Variants in PRKCH observed in about 807,000 individuals in gnomAD.
PRKCH encodes protein kinase C eta type.
PRKCH carries 28 observed loss-of-function variants against 82.5 expected under a neutral mutation model. The observed-to-expected ratio is 0.34, with a 90% CI of 0.25 to 0.47. The LOEUF (loss-of-function observed/expected upper bound fraction) is 0.47. Among genes scored for constraint, PRKCH ranks in the 20% least tolerant of loss-of-function variants. The pLI is 1.00. For synonymous variants in PRKCH, 322 were observed against 327.4 expected, an observed-to-expected ratio of 0.98 and a Z score of 0.18; for missense variants, 705 against 881.8, an observed-to-expected ratio of 0.80 and a Z score of 2.54.
chr14:61,205,354 G>A (rs1318925451), intron 1 of PRKCH, among the ~76,000 whole-genome samples: 1 of 152,184 alleles, frequency 6.6e-6, no homozygotes, highest in African/African-American at 2.4e-5. Flanking sequence ...AGAAGTAGTT[G>A]AGATTCTGAA....
intron 10 of PRKCH, among the ~76,000 whole-genome samples, chr14:61,514,425 AGACTGGTCTTGAAGGATTGAC>A (rs1176542175): frequency 1.3e-5 from 2 of 151,948 alleles, no homozygotes; most frequent in Non-Finnish European, 2.9e-5. Context: ...GTTTGGTTCT[AGACTGGTCTTGAAGGATTGAC>A]GCCTGGTCTG....
chr14:61,274,742 T>C (rs2045187782), intron 1 of PRKCH, among the ~76,000 whole-genome samples: 1 of 152,214 alleles, frequency 6.6e-6, no homozygotes, highest in Non-Finnish European at 1.5e-5. Flanking sequence ...GTATGGCCCA[T>C]ACAGAAGTTA....
intron 1 of PRKCH, among the ~76,000 whole-genome samples, chr14:61,376,159 T>G (rs879563462): frequency 5.3e-5 from 8 of 152,114 alleles, no homozygotes; most frequent in Non-Finnish European, 2.9e-5. Flanking sequence ...ATGGAGATAA[T>G]GCTGCTTTAC....
intron 1 of PRKCH, among the ~76,000 whole-genome samples, chr14:61,378,017 A>G (rs1200655211): frequency 1.3e-5 from 2 of 152,066 alleles, no homozygotes; most frequent in Non-Finnish European, 2.9e-5. Flanking sequence ...TCCTGTATGG[A>G]CATTCCTCCA....
chr14:61,227,907 C>G (rs1228342335), intron 1 of PRKCH, among the ~76,000 whole-genome samples: 1 of 152,082 alleles, frequency 6.6e-6, no homozygotes, highest in East Asian at 1.9e-4. Flanking sequence ...AACAAAGGCT[C>G]ATAATCGTTT....
chr14:61,373,466 C>T (rs927212784), intron 1 of PRKCH, among the ~76,000 whole-genome samples: 13 of 151,980 alleles, frequency 8.6e-5, no homozygotes, highest in African/African-American at 3.2e-4. Flanking sequence ...GCAGCCCCTC[C>T]CCTGACAGGT....
intron 1 of PRKCH, 114 bp downstream of exon 1, chr14:61,322,578 T>G: frequency 7.0e-7 from 1 of 1,421,870 alleles, no homozygotes; most frequent in Non-Finnish European, 9.3e-7. Flanking sequence ...GGGAATTCCC[T>G]CCAGACTTTG....
chr14:61,351,600 G>A (rs774150810), intron 1 of PRKCH, among the ~76,000 whole-genome samples: 8 of 152,174 alleles, frequency 5.3e-5, no homozygotes, highest in African/African-American at 1.7e-4. Context: ...AGTGGTGTTC[G>A]GAGGCACAGT....
At chr14:61,310,021 T>A (rs1403402100) in intron 1 of PRKCH, among the ~76,000 whole-genome samples, 1 of 151,628 alleles carries the variant, frequency 6.6e-6, no homozygotes, top group Non-Finnish European at 1.5e-5. Flanking sequence ...AAGAATAGCA[T>A]GGAGGGAACC....
chr14:61,308,892 A>G (rs11158337), intron 1 of PRKCH, among the ~76,000 whole-genome samples: 108,905 of 151,814 alleles, frequency 0.72, 41,132 homozygotes, highest in Non-Finnish European at 0.83. Flanking sequence ...GCCTCCCACA[A>G]TGCTGGGATT....
At chr14:61,381,999 C>G (rs1040523993) in intron 1 of PRKCH, among the ~76,000 whole-genome samples, 1 of 152,226 alleles carries the variant, frequency 6.6e-6, no homozygotes, top group African/African-American at 2.4e-5. Flanking sequence ...TCAGTAACCT[C>G]ACTGAGCCTC....
rs548008248 is a variant in PRKCH, at chr14:61,315,035, C to T, written c.-19+127367C>T. On this transcript the variant is annotated intron_variant, in intron 1 of 3. Coordinates refer to the PRKCH transcript ENST00000555185. ...TGCTGCATCATTTTCAATATGAGAC[C>T]AGTGTTTTTCTTTCATTCTGAGAAA... Among the ~76,000 whole-genome samples the T allele has an allele frequency of 3.1e-3, 468 of 152,262 alleles. 3 individuals carry two copies. The highest frequency in any genetic ancestry group is 0.011 in the African/African-American group (458 of 41,538).
chr14:61,484,734 G>A (rs566916063), intron 9 of PRKCH, among the ~76,000 whole-genome samples: 15 of 149,894 alleles, frequency 1.0e-4, no homozygotes, highest in Admixed American at 5.3e-4. Context: ...TTCCAATGTG[G>A]ATGCTACTGT....
chr14:61,292,277 G>T (rs1253170060), intron 1 of PRKCH, among the ~76,000 whole-genome samples: 1 of 149,058 alleles, frequency 6.7e-6, no homozygotes, highest in East Asian at 2.0e-4. Flanking sequence ...TTGAGCCCAG[G>T]AGTTCAAGAC....
At chr14:61,492,412 T>A (rs1329608063) in intron 10 of PRKCH, 1 of 152,340 alleles carries the variant, frequency 6.6e-6, no homozygotes, top group Admixed American at 6.5e-5. Context: ...GGCCAAGTTA[T>A]CTTTTACAGA....
At chr14:61,482,339 C>T (rs923711184) in intron 9 of PRKCH, among the ~76,000 whole-genome samples, 11 of 152,278 alleles carry the variant, frequency 7.2e-5, no homozygotes, top group African/African-American at 2.6e-4. Flanking sequence ...TGTCGTTTAT[C>T]TCCTTCTCTT....
At chr14:61,231,296 A>C in intron 1 of PRKCH, among the ~76,000 whole-genome samples, 1 of 152,284 alleles carries the variant, frequency 6.6e-6, no homozygotes, top group South Asian at 2.1e-4. Context: ...ACAATTCAAT[A>C]CACAAAGTGC....
At chr14:61,212,986 A>G (rs2140047390) in intron 1 of PRKCH, among the ~76,000 whole-genome samples, 1 of 152,240 alleles carries the variant, frequency 6.6e-6, no homozygotes, top group African/African-American at 2.4e-5. Flanking sequence ...GGTTGAGCTA[A>G]TTCAGTGGAA....
rs1555375988 is a variant in PRKCH at position 61,329,254 on chromosome 14, T to TTTTTTTTTTA, written c.363+6790_363+6791insTTTTTTTTTA. On this transcript the variant is annotated intron_variant, in intron 1 of 13. Coordinates refer to ENST00000332981, the MANE Select transcript of PRKCH (RefSeq NM_006255.5). The stretch of plus-strand genomic sequence containing the variant: ...TGAGTCTTTTTTTTTTTTTTTTTTT[T>TTTTTTTTTTA]GAGACAGAATCTCTCTCTGTTGCCC... 9.0e-5 allele frequency among the ~76,000 whole-genome samples: 11 copies of TTTTTTTTTTA among 122,440 alleles called. 1 individual carries two copies. The highest frequency in any genetic ancestry group is 8.2e-4 in the South Asian group (3 of 3,668). 80.3% of individuals were successfully genotyped at this position (122,440 alleles called of 152,430 possible).
Sources: allele counts gnomAD v4.1 joint callset (sites outside exome capture counted in the v4.1 genomes callset), GRCh38; gene constraint gnomAD v4.1.1; transcripts MANE v1.5; gene names NCBI Gene and HGNC (gene_info 2026-07-23, HGNC 2026-07-21).